The following STAG2 variants were observed in gnomAD, a reference collection of about 807,000 sequenced individuals.
STAG2 encodes the protein STAG2 cohesin complex component.
A neutral mutation model predicts 108.1 loss-of-function variants in STAG2; 14 were observed. That is an observed-to-expected ratio of 0.13 (90% CI 0.09 to 0.20). STAG2 has a LOEUF of 0.20. Ranked by LOEUF, STAG2 falls within the 10% of genes least tolerant of loss-of-function variation. The pLI is 1.00. For missense variants in STAG2, 440 were observed against 940.9 expected, an observed-to-expected ratio of 0.47 and a Z score of 6.96; for synonymous variants, 307 against 302.7, an observed-to-expected ratio of 1.01 and a Z score of -0.15.
intron 1 of STAG2, among the ~76,000 whole-genome samples, chrX:123,983,974 CTTTTTT>C (rs199881082): frequency 0.21 from 13,003 of 61,433 alleles, 1,060 homozygotes; most frequent in South Asian, 0.44. Context: ...CTTTTCTTTT[CTTTTTT>C]TTTTTTTTTT....
chrX:123,971,196 G>A lies in STAG2; in HGVS notation c.-163+9340G>A, dbSNP rs1049516323. On this transcript the variant is annotated intron_variant, in intron 1 of 34. Transcript: ENST00000371145. The stretch of plus-strand genomic sequence containing the variant: ...TGTAATCCCAGCACTTTGGGAGGCC[G>A]AGGCAGGTGGACCACCTGAGGTCAG... 2.7e-5 allele frequency among the ~76,000 whole-genome samples: 3 copies of A among 112,109 alleles called. No homozygotes were observed. The Admixed American group carries it at 2.8e-4, about 11-fold the overall frequency.
chrX:124,064,515 C>T (rs994977333), intron 20 of STAG2, among the ~76,000 whole-genome samples: 2 of 106,766 alleles, frequency 1.9e-5, no homozygotes, highest in African/African-American at 6.9e-5. Context: ...ACGATCTCGG[C>T]TCACTGCAGC....
At chrX:123,969,200 A>G (rs756625561) in intron 1 of STAG2, among the ~76,000 whole-genome samples, 121 of 111,937 alleles carry the variant, frequency 1.1e-3, no homozygotes, top group Non-Finnish European at 1.6e-3. Flanking sequence ...TTGTTTGCAT[A>G]TGCTTATTAA....
chrX:124,042,553 C>T lies in STAG2; in HGVS notation c.386-16C>T, dbSNP rs753059756. The T allele has an allele frequency of 8.6e-7, 1 of 1,166,162 alleles. No individual in the cohort carries two copies. The highest frequency in any genetic ancestry group is 1.8e-5 in the South Asian group (1 of 55,056). ...TATCACACCATATATTAACTTCTGACATTTGCAAATTTCAGGAGTTGTCAC... is the reference window on the plus strand; with the variant it reads ...TATCACACCATATATTAACTTCTGATATTTGCAAATTTCAGGAGTTGTCAC... On this transcript the variant is annotated splice_polypyrimidine_tract_variant and intron_variant, in intron 6 of 34. Coordinates refer to ENST00000371145, the MANE Select transcript of STAG2 (RefSeq NM_001042750.2).
intron 1 of STAG2, among the ~76,000 whole-genome samples, chrX:123,969,356 A>T (rs953520620): frequency 3.8e-4 from 42 of 111,797 alleles, no homozygotes; most frequent in African/African-American, 1.3e-3. Context: ...ATTGTTCCCC[A>T]GTCCTTCAGC....
At chrX:124,071,118 A>G (rs1202209500) in intron 24 of STAG2, 31 bp from the exon 25 acceptor site, 2 of 1,043,968 alleles carry the variant, frequency 1.9e-6, no homozygotes, top group South Asian at 3.0e-5. Context: ...GGATTATAGC[A>G]TGCTTTCCTC....
chrX:124,003,209 C>A (rs935307167), intron 1 of STAG2, among the ~76,000 whole-genome samples: 2 of 110,518 alleles, frequency 1.8e-5, no homozygotes, highest in African/African-American at 6.6e-5. Context: ...CTCAAGTGAT[C>A]CACTCAACTC....
chrX:123,962,189 G>C (rs1361982724), intron 1 of STAG2: 1 of 111,091 alleles, frequency 9.0e-6, no homozygotes, highest in Non-Finnish European at 1.9e-5. Context: ...TGGATCCGGA[G>C]ATCTGCGGAC....
chrX:124,055,127 A>G (rs1202123085), intron 13 of STAG2, among the ~76,000 whole-genome samples: 1 of 112,261 alleles, frequency 8.9e-6, no homozygotes, highest in Non-Finnish European at 1.9e-5. Flanking sequence ...ATCTGATATT[A>G]TATAAAGAGC....
At chrX:124,083,097 C>T (rs2059003982) in intron 28 of STAG2, among the ~76,000 whole-genome samples, 1 of 111,073 alleles carries the variant, frequency 9.0e-6, no homozygotes, top group Admixed American at 9.6e-5. Context: ...ATGTATTGAT[C>T]ATTATGTGAG....
intron 1 of STAG2, among the ~76,000 whole-genome samples, chrX:123,988,796 TAAA>T (rs1273332998): frequency 1.8e-5 from 2 of 111,675 alleles, no homozygotes; most frequent in African/African-American, 3.3e-5. Context: ...AGAAGCTTGT[TAAA>T]AAGAATTTGC....
chrX:124,012,975 A>C (rs747054793), intron 1 of STAG2, among the ~76,000 whole-genome samples: 1 of 111,785 alleles, frequency 8.9e-6, no homozygotes, highest in African/African-American at 3.3e-5. Flanking sequence ...CCCAACATCA[A>C]GCAGGATTAT....
chrX:124,054,926 A>G (rs778927733), intron 13 of STAG2, among the ~76,000 whole-genome samples: 113 of 110,130 alleles, frequency 1.0e-3, no homozygotes, highest in African/African-American at 3.4e-3. Flanking sequence ...ATGTCCGGCT[A>G]ATTTTTTTTT....
At chrX:124,023,028 T>G (rs1398287329) in intron 3 of STAG2, among the ~76,000 whole-genome samples, 1 of 112,545 alleles carries the variant, frequency 8.9e-6, no homozygotes, top group African/African-American at 3.2e-5. Context: ...GTGGCACTAT[T>G]TAGGATGTAA....
At chrX:124,091,529 A>G (rs1427044262) in intron 32 of STAG2, among the ~76,000 whole-genome samples, 6 of 112,561 alleles carry the variant, frequency 5.3e-5, no homozygotes, top group African/African-American at 1.6e-4. Flanking sequence ...GTTTCAAAAT[A>G]TGGCCCCTGC....
At chrX:124,004,122 G>C (rs1343920821) in intron 1 of STAG2, among the ~76,000 whole-genome samples, 1 of 111,772 alleles carries the variant, frequency 8.9e-6, no homozygotes, top group Non-Finnish European at 1.9e-5. Context: ...AAACTTTCTA[G>C]AGGTTCATAT....
intron 6 of STAG2, among the ~76,000 whole-genome samples, chrX:124,042,182 A>C (rs1052073531): frequency 1.8e-5 from 2 of 111,034 alleles, no homozygotes; most frequent in Admixed American, 9.7e-5. Context: ...CCTTATCTTC[A>C]GCTTCATCCC....
At chrX:124,072,795 G>A (rs2058698394) in intron 25 of STAG2, among the ~76,000 whole-genome samples, 1 of 109,648 alleles carries the variant, frequency 9.1e-6, no homozygotes, top group South Asian at 4.0e-4. Context: ...CTGCCTCCCG[G>A]GTTCAAATGG....
chrX:123,982,782 C>T (rs1288330015), intron 1 of STAG2, among the ~76,000 whole-genome samples: 6 of 82,310 alleles, frequency 7.3e-5, no homozygotes, highest in Non-Finnish European at 9.0e-5. Context: ...TTTTTTTTGC[C>T]GTATCATGAA....
Sources: allele counts gnomAD v4.1 joint callset (sites outside exome capture counted in the v4.1 genomes callset), GRCh38; gene constraint gnomAD v4.1.1; transcripts MANE v1.5; gene names NCBI Gene and HGNC (gene_info 2026-07-23, HGNC 2026-07-21).